Variants in SOX6 observed in about 807,000 individuals in gnomAD.
SOX6 encodes SRY-box transcription factor 6, also known as transcription factor SOX-6.
In SOX6, 11 loss-of-function variants were observed where a neutral mutation model predicts 97.8. The ratio of observed to expected loss-of-function variants is 0.11; its 90% confidence interval spans 0.07 to 0.19. The LOEUF (loss-of-function observed/expected upper bound fraction) is 0.19, where lower values mean the gene tolerates loss of function less well. Ranked by LOEUF, SOX6 falls within the 10% of genes least tolerant of loss-of-function variation. The pLI is 1.00. For synonymous variants in SOX6, 360 were observed against 371.4 expected, an observed-to-expected ratio of 0.97 and a Z score of 0.35; for missense variants, 810 against 1,039.5, an observed-to-expected ratio of 0.78 and a Z score of 3.04.
chr11:16,040,310 G>T (rs1855626387), intron 12 of SOX6, among the ~76,000 whole-genome samples: 1 of 151,914 alleles, frequency 6.6e-6, no homozygotes, highest in African/African-American at 2.4e-5. Context: ...CAAGTTTGTT[G>T]TTGTTTTTTA....
At chr11:16,052,833 TA>T (rs1300925864) in intron 10 of SOX6, among the ~76,000 whole-genome samples, 1 of 152,202 alleles carries the variant, frequency 6.6e-6, no homozygotes, top group African/African-American at 2.4e-5. Flanking sequence ...ACTGAGGTTA[TA>T]CCCTTCTGGG....
chr11:16,653,618 G>C (rs1392626614), intron 3 of SOX6, among the ~76,000 whole-genome samples: 2 of 152,278 alleles, frequency 1.3e-5, no homozygotes, highest in Admixed American at 1.3e-4. Context: ...TGGGGACTAG[G>C]GGAAGCGGGT....
chr11:16,600,442 A>G (rs2133977048), intron 4 of SOX6, among the ~76,000 whole-genome samples: 1 of 152,346 alleles, frequency 6.6e-6, no homozygotes. Context: ...AACTGAATCG[A>G]TACTGCTTCT....
At chr11:16,216,714 A>T (rs1211150641) in intron 4 of SOX6, among the ~76,000 whole-genome samples, 2 of 152,028 alleles carry the variant, frequency 1.3e-5, no homozygotes, top group African/African-American at 4.8e-5. Context: ...TTCTAATTCC[A>T]TCACAAATGA....
intron 4 of SOX6, among the ~76,000 whole-genome samples, chr11:16,205,699 G>C (rs897029341): frequency 6.6e-6 from 1 of 152,034 alleles, no homozygotes; most frequent in African/African-American, 2.4e-5. Context: ...TCAAAAAATA[G>C]TACTATGCTC....
chr11:16,444,132 TA>T (rs542814230), intron 1 of SOX6, among the ~76,000 whole-genome samples: 157 of 148,478 alleles, frequency 1.1e-3, no homozygotes, highest in South Asian at 2.8e-3. Context: ...AAAACTGTTA[TA>T]AAAAAAAAAG....
At chr11:16,172,622 T>A (rs1464611406) in intron 6 of SOX6, among the ~76,000 whole-genome samples, 1 of 151,998 alleles carries the variant, frequency 6.6e-6, no homozygotes, top group Admixed American at 6.6e-5. Context: ...CCTTTGAGCT[T>A]CCTAAGCACG....
At chr11:16,247,448 C>A (rs182074497) in intron 3 of SOX6, among the ~76,000 whole-genome samples, 2 of 151,998 alleles carry the variant, frequency 1.3e-5, no homozygotes, top group Non-Finnish European at 2.9e-5. Flanking sequence ...AAGAACTGCC[C>A]GAGACTGGGT....
intron 3 of SOX6, among the ~76,000 whole-genome samples, chr11:16,242,733 T>A (rs1266092646): frequency 6.6e-6 from 1 of 151,904 alleles, no homozygotes; most frequent in African/African-American, 2.4e-5. Context: ...TTAATTGACT[T>A]TATAGTTAAT....
intron 12 of SOX6, chr11:16,015,389 C>T: frequency 3.2e-6 from 1 of 313,526 alleles, no homozygotes; most frequent in African/African-American, 2.1e-5. Context: ...CCTGAAAGAG[C>T]AGTTCTTATT....
intron 6 of SOX6, among the ~76,000 whole-genome samples, chr11:16,114,078 A>G (rs1849287880): frequency 6.6e-6 from 1 of 152,176 alleles, no homozygotes; most frequent in Admixed American, 6.5e-5. Flanking sequence ...ATAACACCAT[A>G]TGTTAGAGAT....
chr11:16,044,423 T>A (rs7109845), intron 12 of SOX6, among the ~76,000 whole-genome samples: 2,351 of 152,278 alleles, frequency 0.015, 60 homozygotes, highest in African/African-American at 0.054. Context: ...AAACTGAATT[T>A]GTCATAATTC....
chr11:16,015,984 G>A (rs370113636), intron 12 of SOX6, among the ~76,000 whole-genome samples: 1 of 152,014 alleles, frequency 6.6e-6, no homozygotes, highest in Non-Finnish European at 1.5e-5. Flanking sequence ...CTCCGGGAAT[G>A]GTTTCTGCAT....
chr11:16,621,119 T>C (rs1848540273), intron 3 of SOX6, among the ~76,000 whole-genome samples: 1 of 152,180 alleles, frequency 6.6e-6, no homozygotes, highest in Admixed American at 6.5e-5. Flanking sequence ...TGTCCTGTAA[T>C]TAGGAAACTT....
At chr11:16,593,362 A>G (rs966726654) in intron 4 of SOX6, among the ~76,000 whole-genome samples, 7 of 152,190 alleles carry the variant, frequency 4.6e-5, no homozygotes, top group Admixed American at 1.3e-4. Flanking sequence ...TTTGAGGGTC[A>G]CAGATGATGA....
At chr11:16,677,627 T>A (rs1847894538) in intron 3 of SOX6, among the ~76,000 whole-genome samples, 1 of 152,220 alleles carries the variant, frequency 6.6e-6, no homozygotes, top group Non-Finnish European at 1.5e-5. Context: ...CTTTTCTAAA[T>A]TTTTTAATTT....
intron 4 of SOX6, among the ~76,000 whole-genome samples, chr11:16,218,214 C>A (rs1032044575): frequency 6.6e-6 from 1 of 151,124 alleles, no homozygotes; most frequent in Non-Finnish European, 1.5e-5. Context: ...ATGGAAAGGG[C>A]CACTTTTTTT....
At chr11:16,550,323 G>A (rs1008520475) in intron 4 of SOX6, among the ~76,000 whole-genome samples, 1 of 152,092 alleles carries the variant, frequency 6.6e-6, no homozygotes, top group African/African-American at 2.4e-5. Flanking sequence ...TCTTGGGGTT[G>A]GGGGAAGGGG....
At chr11:16,223,805 T>C (rs1305881367) in intron 4 of SOX6, among the ~76,000 whole-genome samples, 1 of 152,128 alleles carries the variant, frequency 6.6e-6, no homozygotes, top group East Asian at 1.9e-4. Flanking sequence ...TCATTTTACT[T>C]AAAATCTAGG....
Sources: gnomAD v4.1 joint callset for allele counts (sites outside exome capture counted in the v4.1 genomes callset) on GRCh38, gnomAD v4.1.1 for gene constraint, MANE v1.5 for transcripts, NCBI Gene and HGNC (gene_info 2026-07-23, HGNC 2026-07-21) for gene names.